The following SLCO6A1 variants were observed in gnomAD, a reference collection of about 807,000 sequenced individuals.
SLCO6A1 encodes solute carrier organic anion transporter family member 6A1, also known as cancer/testis antigen 48.
Under a neutral mutation model 72.7 loss-of-function variants are expected in SLCO6A1, and 65 were observed. The ratio of observed to expected loss-of-function variants is 0.89; its 90% CI spans 0.73 to 1.10. SLCO6A1 has a LOEUF of 1.10. SLCO6A1 is among the 50% of genes least tolerant of loss of function. The pLI, the probability that SLCO6A1 is intolerant of heterozygous loss-of-function variation, is 0.00. For missense variants in SLCO6A1, 874 were observed against 872.6 expected, an observed-to-expected ratio of 1.00 and a Z score of -0.02; for synonymous variants, 314 against 298.2, an observed-to-expected ratio of 1.05 and a Z score of -0.55.
chr5:102,480,659 T>G (rs1367518301), intron 1 of SLCO6A1, among the ~76,000 whole-genome samples: 2 of 152,184 alleles, frequency 1.3e-5, no homozygotes, highest in Non-Finnish European at 2.9e-5. Context: ...TAACTACCTC[T>G]CTGAGTAATT....
intron 12 of SLCO6A1, among the ~76,000 whole-genome samples, chr5:102,375,592 G>T (rs1237545770): frequency 6.6e-6 from 1 of 152,002 alleles, no homozygotes; most frequent in African/African-American, 2.4e-5. Flanking sequence ...TCTAGCAGTT[G>T]GAATCAACAG....
intron 4 of SLCO6A1, among the ~76,000 whole-genome samples, chr5:102,460,474 T>C (rs1750966984): frequency 6.6e-6 from 1 of 152,162 alleles, no homozygotes; most frequent in Non-Finnish European, 1.5e-5. Flanking sequence ...CTCATAATTA[T>C]TTTGCAGTTT....
chr5:102,491,594 T>G (rs1222835420), intron 1 of SLCO6A1, among the ~76,000 whole-genome samples: 1 of 152,228 alleles, frequency 6.6e-6, no homozygotes, highest in African/African-American at 2.4e-5. Context: ...GCCCAGGTGC[T>G]AAGCCCCTCA....
At chr5:102,462,804 G>A (rs1751108925) in intron 4 of SLCO6A1, among the ~76,000 whole-genome samples, 1 of 152,014 alleles carries the variant, frequency 6.6e-6, no homozygotes, top group Non-Finnish European at 1.5e-5. Context: ...TTAAATTTAA[G>A]ACCTGACATC....
intron 6 of SLCO6A1, among the ~76,000 whole-genome samples, chr5:102,454,612 T>C (rs953844430): frequency 1.3e-5 from 2 of 151,952 alleles, no homozygotes; most frequent in African/African-American, 2.4e-5. Context: ...TGTCTAACAA[T>C]AATAATAAAA....
At chr5:102,406,782 G>A (rs1442369008) in intron 9 of SLCO6A1, among the ~76,000 whole-genome samples, 1 of 152,070 alleles carries the variant, frequency 6.6e-6, no homozygotes, top group Non-Finnish European at 1.5e-5. Context: ...AAAAATACAA[G>A]TGAAATTAGA....
In SLCO6A1 at chr5:102,391,524, G is replaced by C. The variant is rs531403962; in HGVS notation, c.1815-479C>G. On this transcript the variant is annotated intron_variant, in intron 10 of 13. Transcript: ENST00000506729. ...TACTGATTGGGACACTTCTGAATGA[G>C]TGAGGAAAGTGAGGTCAAGATTTGT... Among the ~76,000 whole-genome samples the C allele has an allele frequency of 2.0e-5, 3 of 152,224 alleles. No homozygotes were observed. In the South Asian group the frequency reaches 6.2e-4, roughly 32 times the overall value.
chr5:102,460,897 C>T (rs893469190), intron 4 of SLCO6A1, among the ~76,000 whole-genome samples: 1 of 34,932 alleles, frequency 2.9e-5, no homozygotes, highest in Non-Finnish European at 5.8e-5. Flanking sequence ...ACCCACTTAT[C>T]TCATATATAT....
At chr5:102,420,821 G>T (rs919747847) in intron 7 of SLCO6A1, among the ~76,000 whole-genome samples, 1 of 152,164 alleles carries the variant, frequency 6.6e-6, no homozygotes, top group African/African-American at 2.4e-5. Flanking sequence ...ATTTTAGAAT[G>T]CTTAGAAAGA....
At chr5:102,432,199 C>T (rs1172559412) in intron 7 of SLCO6A1, among the ~76,000 whole-genome samples, 1 of 152,084 alleles carries the variant, frequency 6.6e-6, no homozygotes, top group African/African-American at 2.4e-5. Context: ...CAGCTTGCCA[C>T]TCTGTCTTTT....
intron 4 of SLCO6A1, among the ~76,000 whole-genome samples, chr5:102,463,891 A>G (rs529344762): frequency 2.2e-5 from 2 of 89,682 alleles, no homozygotes; most frequent in African/African-American, 7.4e-5. Context: ...CGTCTCAAAA[A>G]AGAAGAAAAA....
In SLCO6A1 at chr5:102,399,674, A is replaced by G. The variant is rs767343397; in HGVS notation, c.1695T>C (p.Asp565=). 6.2e-7 allele frequency: 1 copy of G among 1,609,570 alleles called. No individual in the cohort carries two copies. The highest frequency in any genetic ancestry group is 1.7e-5 in the Admixed American group (1 of 59,930). ...ITADAEGDFI[D]ARPGKCDAKC... is the part of the protein sequence containing the mutation. ...TTGCATCACATTTCCCGGGTCTGGCATCAATAAAATCACCTTCTGCATCTG... is the reference window on the plus strand; with the variant it reads ...TTGCATCACATTTCCCGGGTCTGGCGTCAATAAAATCACCTTCTGCATCTG... Residue 565 remains aspartate, a synonymous_variant, in exon 10 of 14, where the codon GAT becomes GAC. Transcript: ENST00000506729.
intron 4 of SLCO6A1, among the ~76,000 whole-genome samples, chr5:102,460,766 C>T (rs372972848): frequency 3.3e-5 from 5 of 151,762 alleles, no homozygotes; most frequent in African/African-American, 1.2e-4. Flanking sequence ...CCTTGTTTCT[C>T]ATAGGAATGT....
intron 9 of SLCO6A1, among the ~76,000 whole-genome samples, chr5:102,404,393 G>A (rs1468966720): frequency 6.6e-6 from 1 of 152,144 alleles, no homozygotes; most frequent in East Asian, 1.9e-4. Context: ...TACTTGGGAG[G>A]CTGAGGCAGG....
intron 11 of SLCO6A1, among the ~76,000 whole-genome samples, chr5:102,390,166 C>A (rs755024516): frequency 2.0e-5 from 3 of 151,840 alleles, no homozygotes; most frequent in Non-Finnish European, 2.9e-5. Context: ...CTTATTCTAC[C>A]CTCTCCCATT....
chr5:102,420,639 T>C (rs1368450950), intron 7 of SLCO6A1, among the ~76,000 whole-genome samples: 1 of 151,780 alleles, frequency 6.6e-6, no homozygotes, highest in African/African-American at 2.4e-5. Context: ...TCAGATGAGA[T>C]AGCACAGTAA....
intron 8 of SLCO6A1, among the ~76,000 whole-genome samples, chr5:102,418,819 G>T (rs1561445048): frequency 6.6e-6 from 1 of 152,032 alleles, no homozygotes. Flanking sequence ...AATATGGCTG[G>T]AATTCTTCCC....
chr5:102,375,047 G>A (rs1426059064), intron 12 of SLCO6A1, among the ~76,000 whole-genome samples: 2 of 151,966 alleles, frequency 1.3e-5, no homozygotes, highest in Admixed American at 1.3e-4. Flanking sequence ...ATTGGATGGG[G>A]GCAAGGGGCT....
chr5:102,497,998 A>T (rs1448646646), intron 1 of SLCO6A1, among the ~76,000 whole-genome samples: 1 of 152,124 alleles, frequency 6.6e-6, no homozygotes, highest in Non-Finnish European at 1.5e-5. Context: ...CACCACCCAG[A>T]CAAGTAATCT....
Sources: gnomAD v4.1 joint callset for allele counts (sites outside exome capture counted in the v4.1 genomes callset) on GRCh38, gnomAD v4.1.1 for gene constraint, MANE v1.5 for transcripts, NCBI Gene and HGNC (gene_info 2026-07-23, HGNC 2026-07-21) for gene names.